CLDN10: variants seen among roughly 807,000 people sequenced by gnomAD.
CLDN10 encodes the protein claudin 10.
A neutral mutation model predicts 22.9 loss-of-function variants in CLDN10; 15 were observed. The ratio of observed to expected loss-of-function variants is 0.65; its 90% confidence interval spans 0.44 to 1.01. The LOEUF is 1.01. Ranked by LOEUF, CLDN10 falls within the 50% of genes least tolerant of loss-of-function variation. CLDN10 has a pLI of 0.00. For missense variants in CLDN10, 247 were observed against 287.8 expected (o/e 0.86, Z 1.03); for synonymous variants, 114 against 111.4 (o/e 1.02, Z -0.15).
intron 1 of CLDN10, among the ~76,000 whole-genome samples, chr13:95,489,133 G>A (rs1458526462): frequency 1.3e-5 from 2 of 151,680 alleles, no homozygotes; most frequent in Non-Finnish European, 2.9e-5. Flanking sequence ...CTTTTTAGTA[G>A]AAATGGGGTT....
intron 1 of CLDN10, among the ~76,000 whole-genome samples, chr13:95,541,452 T>G (rs1211641367): frequency 6.6e-6 from 1 of 152,206 alleles, no homozygotes; most frequent in Non-Finnish European, 1.5e-5. Context: ...TGCATATGTG[T>G]ACAATGACCC....
At chr13:95,517,222 T>C (rs559448005) in intron 1 of CLDN10, among the ~76,000 whole-genome samples, 23 of 152,206 alleles carry the variant, frequency 1.5e-4, no homozygotes, top group Non-Finnish European at 3.4e-4. Flanking sequence ...CCTCTCTCCT[T>C]TCTTCTTTCT....
At chr13:95,495,229 G>A (rs967399251) in intron 1 of CLDN10, among the ~76,000 whole-genome samples, 1 of 151,590 alleles carries the variant, frequency 6.6e-6, no homozygotes, top group African/African-American at 2.4e-5. Flanking sequence ...TAGTGACGGG[G>A]TTTCATCATG....
At chr13:95,439,380 T>C (rs1278980920) in intron 1 of CLDN10, among the ~76,000 whole-genome samples, 1 of 151,612 alleles carries the variant, frequency 6.6e-6, no homozygotes, top group Non-Finnish European at 1.5e-5. Flanking sequence ...AGTCTTGTTC[T>C]ATTGCCCAGG....
At chr13:95,489,159 G>T (rs1227589711) in intron 1 of CLDN10, among the ~76,000 whole-genome samples, 1 of 151,848 alleles carries the variant, frequency 6.6e-6, no homozygotes, top group Non-Finnish European at 1.5e-5. Context: ...ATGTTGGCCA[G>T]GCTTGTCTTG....
intron 1 of CLDN10, among the ~76,000 whole-genome samples, chr13:95,504,753 G>C (rs548129935): frequency 2.0e-5 from 3 of 152,008 alleles, no homozygotes; most frequent in East Asian, 3.9e-4. Flanking sequence ...GCCCGGGATG[G>C]TCTCAAACTC....
At chr13:95,495,300 G>C (rs2042917015) in intron 1 of CLDN10, among the ~76,000 whole-genome samples, 1 of 151,952 alleles carries the variant, frequency 6.6e-6, no homozygotes. Flanking sequence ...GCTTCCCAAA[G>C]TGCTGGGATT....
intron 1 of CLDN10, among the ~76,000 whole-genome samples, chr13:95,523,424 T>G (rs2043242347): frequency 1.3e-5 from 2 of 152,228 alleles, no homozygotes; most frequent in Admixed American, 1.3e-4. Context: ...TATCATCCGT[T>G]TAAGTTTACT....
chr13:95,546,911 T>G (rs984691221), intron 1 of CLDN10, among the ~76,000 whole-genome samples: 3 of 152,216 alleles, frequency 2.0e-5, no homozygotes, highest in Non-Finnish European at 4.4e-5. Context: ...CTTTGCAGTT[T>G]CTGTTCCCCT....
chr13:95,487,394 G>C (rs1235048123), intron 1 of CLDN10, among the ~76,000 whole-genome samples: 1 of 152,142 alleles, frequency 6.6e-6, no homozygotes, highest in African/African-American at 2.4e-5. Flanking sequence ...ACTGCTCTAA[G>C]CTTTGCATTT....
intron 1 of CLDN10, among the ~76,000 whole-genome samples, chr13:95,448,974 A>T (rs538900328): frequency 2.9e-4 from 44 of 151,974 alleles, no homozygotes; most frequent in African/African-American, 1.0e-3. Flanking sequence ...CCTGACCTCA[A>T]GTAACCTGCC....
At chr13:95,521,336 A>T (rs2043222570) in intron 1 of CLDN10, among the ~76,000 whole-genome samples, 1 of 152,206 alleles carries the variant, frequency 6.6e-6, no homozygotes, top group African/African-American at 2.4e-5. Flanking sequence ...TACTTTCATC[A>T]GATTCATAGA....
At chr13:95,547,036 G>T (rs1290809836) in intron 1 of CLDN10, among the ~76,000 whole-genome samples, 1 of 148,410 alleles carries the variant, frequency 6.7e-6, no homozygotes, top group African/African-American at 2.5e-5. Flanking sequence ...GACTACAGGC[G>T]GCTGGCTAAC....
At chr13:95,512,253 T>G (rs900621514) in intron 1 of CLDN10, among the ~76,000 whole-genome samples, 1 of 143,956 alleles carries the variant, frequency 6.9e-6, no homozygotes, top group Admixed American at 7.0e-5. Flanking sequence ...ACAAAGATCG[T>G]CTCTCCTTTT....
At chr13:95,453,140 G>A (rs746637020) in intron 1 of CLDN10, among the ~76,000 whole-genome samples, 121 of 152,172 alleles carry the variant, frequency 8.0e-4, no homozygotes, top group African/African-American at 2.7e-3. Context: ...CAACCTATGG[G>A]AACAAATGCT....
At chr13:95,450,454 C>T (rs111421009) in intron 1 of CLDN10, among the ~76,000 whole-genome samples, 29 of 152,280 alleles carry the variant, frequency 1.9e-4, no homozygotes, top group African/African-American at 7.0e-4. Context: ...ATGTCTGAAT[C>T]CAGTAGGGTG....
At chr13:95,454,521 A>G (rs2042463763) in intron 1 of CLDN10, among the ~76,000 whole-genome samples, 1 of 152,152 alleles carries the variant, frequency 6.6e-6, no homozygotes, top group Middle Eastern at 3.2e-3. Flanking sequence ...CCACTGGTGC[A>G]GGCTCCCCTC....
At chr13:95,492,573 T>C (rs1243315380) in intron 1 of CLDN10, among the ~76,000 whole-genome samples, 1 of 152,092 alleles carries the variant, frequency 6.6e-6, no homozygotes, top group East Asian at 1.9e-4. Context: ...GCTTGAAAAC[T>C]TGCCCAAGGC....
At chr13:95,438,973 CGCAA>C (rs1385979266) in intron 1 of CLDN10, among the ~76,000 whole-genome samples, 9 of 87,716 alleles carry the variant, frequency 1.0e-4, no homozygotes, top group African/African-American at 4.2e-4. Context: ...AAGACTCCAT[CGCAA>C]AAAAAAAAAA....
Sources: allele counts gnomAD v4.1 joint callset (sites outside exome capture counted in the v4.1 genomes callset), GRCh38; gene constraint gnomAD v4.1.1; transcripts MANE v1.5; gene names NCBI Gene and HGNC (gene_info 2026-07-23, HGNC 2026-07-21).